The following ASH1L variants were observed in gnomAD, a reference collection of about 807,000 sequenced individuals.
ASH1L encodes the protein ASH1 like histone lysine methyltransferase.
Under a neutral mutation model 269.0 loss-of-function variants are expected in ASH1L, and 23 were observed. That is an observed-to-expected ratio of 0.09 (90% CI 0.06 to 0.12). The LOEUF (loss-of-function observed/expected upper bound fraction) is 0.12, where lower values mean the gene tolerates loss of function less well. ASH1L is among the 10% of genes least tolerant of loss of function. ASH1L has a pLI of 1.00. For missense variants in ASH1L, 2,912 were observed against 3,567.8 expected (o/e 0.82, Z 4.68); for synonymous variants, 1,187 against 1,253.5 (o/e 0.95, Z 1.12).
chr1:155,485,833 T>C (rs188270793), intron 2 of ASH1L, among the ~76,000 whole-genome samples: 1 of 152,226 alleles, frequency 6.6e-6, no homozygotes, highest in East Asian at 1.9e-4. Flanking sequence ...AATGACTGTT[T>C]CCAAATATTA....
chr1:155,478,887 T>C lies in ASH1L; in HGVS notation c.3983A>G (p.Tyr1328Cys), dbSNP rs773173877. Residue 1328 changes from tyrosine to cysteine, a missense_variant, in exon 3 of 28, where the codon TAT becomes TGT. Transcript: ENST00000392403. The surrounding 1 kb of genome is among the most constrained non-coding windows in gnomAD (Gnocchi z 4.6). ...TIFRINFNSF[Y>C]THPSFPLDPL... is the part of the protein sequence containing the mutation. ...GTCTAAGGGGAAAGAAGGATGTGTA[T>C]AGAAACTATTAAAGTTGATTCGAAA... is the stretch of plus-strand genomic sequence containing the variant. 25 of 1,613,924 alleles carry C rather than the reference T, an allele frequency of 1.5e-5. No homozygotes were observed. The South Asian group carries it at 1.8e-4, about 11-fold the overall frequency.
At chr1:155,349,920 C>T (rs759042692) in intron 17 of ASH1L, among the ~76,000 whole-genome samples, 10 of 126,548 alleles carry the variant, frequency 7.9e-5, no homozygotes, top group African/African-American at 2.7e-4. Context: ...ACAAGAGTTT[C>T]GCTCTGTTGC....
At chr1:155,467,856 ACT>A (rs1160477209) in intron 3 of ASH1L, among the ~76,000 whole-genome samples, 2 of 152,172 alleles carry the variant, frequency 1.3e-5, no homozygotes, top group African/African-American at 2.4e-5. Flanking sequence ...TATTAAAAAA[ACT>A]CATTATTCTG....
intron 5 of ASH1L, among the ~76,000 whole-genome samples, chr1:155,418,574 C>T (rs749776006): frequency 1.3e-5 from 2 of 151,962 alleles, no homozygotes; most frequent in African/African-American, 4.8e-5. Flanking sequence ...CAACAAAAAC[C>T]AGATATACAA....
At chr1:155,453,028 G>A (rs1663605236) in intron 4 of ASH1L, among the ~76,000 whole-genome samples, 1 of 152,148 alleles carries the variant, frequency 6.6e-6, no homozygotes, top group African/African-American at 2.4e-5. Context: ...GGAGGGCCTA[G>A]TAGCCAGCAA....
In ASH1L at chr1:155,357,690, A is replaced by G; in HGVS notation, c.6855T>C (p.Arg2285=). 6.2e-7 allele frequency: 1 copy of G among 1,614,184 alleles called. No individual in the cohort carries two copies. The highest frequency in any genetic ancestry group is 8.5e-7 in the Non-Finnish European group (1 of 1,180,036). Residue 2285 remains arginine, a synonymous_variant, in exon 14 of 28, where the codon CGT becomes CGC. Transcript: ENST00000392403. ...CRGIIGGKSQ[R]VNGLTSSKNS... ...TTTTGCTGCTGGTGAGTCCATTCAC[A>G]CGCTGACTCTTGCCTCCGATGATTC...
chr1:155,386,873 T>C (rs1657477870), intron 7 of ASH1L, among the ~76,000 whole-genome samples: 1 of 152,246 alleles, frequency 6.6e-6, no homozygotes. Flanking sequence ...TTGCTTTTGT[T>C]ACAATTGCTT....
chr1:155,369,034 G>C (rs1013955980), intron 12 of ASH1L, among the ~76,000 whole-genome samples: 2 of 152,200 alleles, frequency 1.3e-5, no homozygotes, highest in Non-Finnish European at 2.9e-5. Flanking sequence ...GGGGGATTGG[G>C]AGATTGACTT....
intron 5 of ASH1L, among the ~76,000 whole-genome samples, chr1:155,423,234 C>G (rs1473667101): frequency 6.8e-6 from 1 of 146,760 alleles, no homozygotes; most frequent in Non-Finnish European, 1.5e-5. Flanking sequence ...CAGGCGTGAG[C>G]CACCACGCCT....
At chr1:155,474,941 T>A (rs1239292459) in intron 3 of ASH1L, among the ~76,000 whole-genome samples, 1 of 152,208 alleles carries the variant, frequency 6.6e-6, no homozygotes, top group African/African-American at 2.4e-5. Context: ...CATTTAAAAA[T>A]GCAAACCTAA....
intron 5 of ASH1L, among the ~76,000 whole-genome samples, chr1:155,428,084 C>A (rs939861486): frequency 1.1e-4 from 17 of 152,118 alleles, no homozygotes; most frequent in Admixed American, 3.9e-4. Flanking sequence ...ACGAATTAAA[C>A]CTCTTTTCTT....
chr1:155,355,434 C>T (rs918513691), intron 15 of ASH1L, among the ~76,000 whole-genome samples: 1 of 152,188 alleles, frequency 6.6e-6, no homozygotes, highest in Non-Finnish European at 1.5e-5. Flanking sequence ...ATTCAATTTC[C>T]ACAACAGGAC....
chr1:155,554,541 G>A (rs1178228843), intron 1 of ASH1L, among the ~76,000 whole-genome samples: 1 of 152,022 alleles, frequency 6.6e-6, no homozygotes, highest in Non-Finnish European at 1.5e-5. Context: ...CAAAGTGCTG[G>A]GATTACAGGC....
chr1:155,476,755 G>C (rs1458515069), intron 3 of ASH1L, among the ~76,000 whole-genome samples: 1 of 151,830 alleles, frequency 6.6e-6, no homozygotes, highest in East Asian at 1.9e-4. Context: ...GGGTTTCATC[G>C]TGTTAACCAG....
intron 7 of ASH1L, among the ~76,000 whole-genome samples, chr1:155,387,182 C>T (rs992406466): frequency 6.6e-6 from 1 of 152,152 alleles, no homozygotes; most frequent in African/African-American, 2.4e-5. Flanking sequence ...CCATGTTGAT[C>T]AGGCTGGTCT....
At chr1:155,347,125 G>A (rs529429234) in intron 20 of ASH1L, among the ~76,000 whole-genome samples, 3 of 152,300 alleles carry the variant, frequency 2.0e-5, no homozygotes, top group East Asian at 3.9e-4. Context: ...AGAGCCAGGC[G>A]TGGTGGCTCA....
intron 5 of ASH1L, 105 bp from the exon 6 acceptor site, chr1:155,416,028 T>C (rs1161090126): frequency 5.5e-6 from 5 of 908,896 alleles, no homozygotes; most frequent in Admixed American, 3.4e-5. Context: ...AAAAGAGATA[T>C]GGGGACTTCC....
intron 7 of ASH1L, among the ~76,000 whole-genome samples, chr1:155,381,323 G>C (rs1247722098): frequency 6.6e-6 from 1 of 151,832 alleles, no homozygotes; most frequent in Non-Finnish European, 1.5e-5. Flanking sequence ...GGGAGGCCGA[G>C]GCAGGTAGAT....
chr1:155,519,416 A>T (rs1367214384), intron 2 of ASH1L, among the ~76,000 whole-genome samples: 1 of 152,146 alleles, frequency 6.6e-6, no homozygotes, highest in Non-Finnish European at 1.5e-5. Context: ...AGCCTGGGCA[A>T]CAAGAGTGAA....
Sources: gnomAD v4.1 joint callset for allele counts (sites outside exome capture counted in the v4.1 genomes callset) on GRCh38, gnomAD v4.1.1 for gene constraint, Gnocchi (gnomAD v3.1) non-coding constraint, MANE v1.5 for transcripts, NCBI Gene and HGNC (gene_info 2026-07-23, HGNC 2026-07-21) for gene names.